DENND4C: variants seen among roughly 807,000 people sequenced by gnomAD.
DENND4C encodes DENN domain-containing protein 4C.
In DENND4C, 108 loss-of-function variants were observed where a neutral mutation model predicts 203.0. The ratio of observed to expected loss-of-function variants is 0.53; its 90% CI spans 0.46 to 0.62. DENND4C has a LOEUF of 0.62. Among genes scored for constraint, DENND4C ranks in the 20% least tolerant of loss-of-function variants. The pLI, the probability that DENND4C is intolerant of heterozygous loss-of-function variation, is 0.00. For missense variants in DENND4C, 2,481 were observed against 2,301.2 expected, an observed-to-expected ratio of 1.08 and a Z score of -1.60; for synonymous variants, 871 against 792.4, an observed-to-expected ratio of 1.10 and a Z score of -1.67.
intron 1 of DENND4C, among the ~76,000 whole-genome samples, chr9:19,241,221 A>G (rs370105686): frequency 2.0e-5 from 3 of 152,218 alleles, no homozygotes; most frequent in Non-Finnish European, 2.9e-5. Context: ...TCTTTGATCA[A>G]TAGTAAATTA....
intron 10 of DENND4C, among the ~76,000 whole-genome samples, chr9:19,313,650 A>G (rs547664944): frequency 6.6e-6 from 1 of 152,358 alleles, no homozygotes; most frequent in Non-Finnish European, 1.5e-5. Context: ...TTTTAACAGT[A>G]CCAGACACAA....
chr9:19,365,372 A>C (rs1043338381), intron 30 of DENND4C, among the ~76,000 whole-genome samples: 1 of 152,150 alleles, frequency 6.6e-6, no homozygotes, highest in Non-Finnish European at 1.5e-5. Flanking sequence ...AACACTCATC[A>C]AGCTGGGAAT....
At chr9:19,371,486 G>A (rs749231505) in intron 31 of DENND4C, 3 of 234,390 alleles carry the variant, frequency 1.3e-5, no homozygotes, top group Non-Finnish European at 2.5e-5. Context: ...GAAGCTTTAT[G>A]CCCATTAACT....
At chr9:19,287,056 T>C (rs1248101205) in intron 3 of DENND4C, 35 bp downstream of exon 3, 1 of 1,231,454 alleles carries the variant, frequency 8.1e-7, no homozygotes, top group African/African-American at 1.6e-5. Flanking sequence ...AAGTTTCATA[T>C]GAAACCAAAA....
intron 30 of DENND4C, among the ~76,000 whole-genome samples, chr9:19,369,065 G>C (rs963171152): frequency 1.3e-5 from 2 of 152,124 alleles, no homozygotes; most frequent in Admixed American, 1.3e-4. Context: ...AGGGAGGACT[G>C]CTTGAGCCCA....
chr9:19,333,017 AT>A (rs967627227), intron 17 of DENND4C, among the ~76,000 whole-genome samples: 3 of 149,620 alleles, frequency 2.0e-5, no homozygotes, highest in African/African-American at 7.3e-5. Context: ...TTAAAAATAT[AT>A]TTTTTATTTA....
rs894720463 is a variant in DENND4C, at chr9:19,298,270, A to G, written c.1107+148A>G. On this transcript the variant is annotated intron_variant, in intron 7 of 32. Transcript: ENST00000434457. ...TTTCTGTGCTTTGTAGCTTTACTGA[A>G]CACCCTTTCTTACTGGGTTTTGGAT... The G allele has an allele frequency of 1.4e-4, 84 of 619,628 alleles. No individual in the cohort carries two copies. In the East Asian group the frequency reaches 2.4e-3, roughly 18 times the overall value. 38.4% of individuals were successfully genotyped at this position (619,628 alleles called of 1,614,324 possible).
At chr9:19,262,414 G>C (rs968355278) in intron 1 of DENND4C, among the ~76,000 whole-genome samples, 2 of 148,982 alleles carry the variant, frequency 1.3e-5, no homozygotes, top group Admixed American at 1.3e-4. Flanking sequence ...ATAGTTTTTG[G>C]TGGAGTCTTT....
chr9:19,331,436 C>T (rs1215484105), intron 16 of DENND4C, among the ~76,000 whole-genome samples: 3 of 151,976 alleles, frequency 2.0e-5, no homozygotes, highest in Non-Finnish European at 4.4e-5. Flanking sequence ...CTCCTGACCT[C>T]GTGATCCATC....
intron 10 of DENND4C, among the ~76,000 whole-genome samples, chr9:19,309,207 G>A (rs1184729451): frequency 6.6e-6 from 1 of 152,074 alleles, no homozygotes. Context: ...TGGATCTCCT[G>A]GGGTCGGGAG....
chr9:19,358,282 TAAAC>T lies in DENND4C; in HGVS notation c.5160+126_5160+129del. 3.8e-6 allele frequency: 3 copies of T among 790,718 alleles called. No homozygotes were observed. The highest frequency in any genetic ancestry group is 5.5e-6 in the Non-Finnish European group (3 of 546,830). The allele number at this position is 790,718 out of a possible 1,614,324, so 49.0% of individuals were successfully genotyped here. On this transcript the variant is annotated intron_variant, in intron 28 of 32. Transcript: ENST00000434457. The surrounding 1 kb of genome is among the most constrained non-coding windows in gnomAD (Gnocchi z 4.8). ...CATGAAAAGTGATAGAGTTTTTCCATAAACAAATAACTTTTTATTGTGGAGAATT... is the reference window on the plus strand; with the variant it reads ...CATGAAAAGTGATAGAGTTTTTCCATAAATAACTTTTTATTGTGGAGAATT...
intron 2 of DENND4C, among the ~76,000 whole-genome samples, chr9:19,283,265 C>T (rs764584246): frequency 1.3e-5 from 2 of 152,112 alleles, no homozygotes; most frequent in Non-Finnish European, 2.9e-5. Flanking sequence ...TCTCTGCCTT[C>T]CATCGCCACA....
chr9:19,338,885 T>A (rs1201887105), intron 20 of DENND4C, among the ~76,000 whole-genome samples: 1 of 152,184 alleles, frequency 6.6e-6, no homozygotes, highest in African/African-American at 2.4e-5. Flanking sequence ...AAAATGGAGG[T>A]ACTGCATATG....
Position 19,276,483 on chromosome 9 carries a change from T to C in DENND4C, c.305+4T>C, listed in dbSNP as rs1454744433. 2 of 1,231,564 alleles carry C rather than the reference T, an allele frequency of 1.6e-6. No individual in the cohort carries two copies. Among genetic ancestry groups the C allele is most frequent in the Non-Finnish European group, 2.0e-6 (2 of 987,562 alleles). The allele number at this position is 1,231,564 out of a possible 1,614,324, so 76.3% of individuals were successfully genotyped here. ...AACCACCGCTTACAGATATTGGGTA[T>C]GGTGACTTCTTTTCTTTGCTATAGT... On this transcript the variant is annotated splice_donor_region_variant and intron_variant, in intron 2 of 32. Transcript: ENST00000434457.
intron 16 of DENND4C, among the ~76,000 whole-genome samples, chr9:19,329,954 G>T (rs1007774695): frequency 6.6e-6 from 1 of 151,984 alleles, no homozygotes; most frequent in Non-Finnish European, 1.5e-5. Context: ...GACATTTTGG[G>T]GATATTTAAA....
At chr9:19,327,010 G>T (rs1817974157) in intron 15 of DENND4C, among the ~76,000 whole-genome samples, 1 of 121,396 alleles carries the variant, frequency 8.2e-6, no homozygotes, top group African/African-American at 3.7e-5. Context: ...AAAATAGAAA[G>T]TAAAGTAAGT....
chr9:19,283,009 G>A (rs951705855), intron 2 of DENND4C, among the ~76,000 whole-genome samples: 8 of 151,768 alleles, frequency 5.3e-5, no homozygotes, highest in Non-Finnish European at 1.2e-4. Flanking sequence ...GTGAGCCACC[G>A]CCTCTGACCA....
At chr9:19,352,262 A>T (rs10114039) in intron 25 of DENND4C, 80 bp downstream of exon 25, 145,127 of 1,349,774 alleles carry the variant, frequency 0.11, 12,949 homozygotes, top group African/African-American at 0.44. Flanking sequence ...CAGGATTCTA[A>T]GATACCCTTG....
intron 5 of DENND4C, among the ~76,000 whole-genome samples, chr9:19,293,998 A>G (rs1836901085): frequency 6.6e-6 from 1 of 152,168 alleles, no homozygotes; most frequent in Admixed American, 6.6e-5. Context: ...ACTGAGTAAG[A>G]TTAGGAATAT....
Sources: gnomAD v4.1 joint callset for allele counts (sites outside exome capture counted in the v4.1 genomes callset) on GRCh38, gnomAD v4.1.1 for gene constraint, Gnocchi (gnomAD v3.1) non-coding constraint, MANE v1.5 for transcripts, NCBI Gene and HGNC (gene_info 2026-07-23, HGNC 2026-07-21) for gene names.